The following GPC6 variants were observed in gnomAD, a reference collection of about 807,000 sequenced individuals.
The protein encoded by GPC6 is glypican-6.
Under a neutral mutation model 55.2 loss-of-function variants are expected in GPC6, and 14 were observed. The ratio of observed to expected loss-of-function variants is 0.25; its 90% CI spans 0.17 to 0.40. The LOEUF is 0.40. Ranked by LOEUF, GPC6 falls within the 10% of genes least tolerant of loss-of-function variation. GPC6 has a pLI of 1.00. For missense variants in GPC6, 641 were observed against 708.5 expected, an observed-to-expected ratio of 0.90 and a Z score of 1.08; for synonymous variants, 278 against 259.6, an observed-to-expected ratio of 1.07 and a Z score of -0.68.
chr13:93,290,575 A>G (rs1323115884), intron 1 of GPC6, among the ~76,000 whole-genome samples: 1 of 152,168 alleles, frequency 6.6e-6, no homozygotes, highest in East Asian at 1.9e-4. Context: ...TCAAAGCAAC[A>G]TAGATTAGAG....
At chr13:93,655,003 A>ATTTTTTT (rs3884231) in intron 2 of GPC6, among the ~76,000 whole-genome samples, 1 of 104,758 alleles carries the variant, frequency 9.5e-6, no homozygotes. Context: ...TGCCCGGCTA[A>ATTTTTTT]TTTTTTTTTT....
intron 4 of GPC6, among the ~76,000 whole-genome samples, chr13:94,060,787 A>T (rs17791647): frequency 6.6e-6 from 1 of 152,104 alleles, no homozygotes; most frequent in African/African-American, 2.4e-5. Flanking sequence ...AATAGAGTCA[A>T]GTGTCTTCCT....
intron 7 of GPC6, among the ~76,000 whole-genome samples, chr13:94,392,800 C>T (rs1880714697): frequency 7.4e-6 from 1 of 135,490 alleles, no homozygotes; most frequent in Admixed American, 7.5e-5. Flanking sequence ...CTCTCGACCT[C>T]AGGTGATCCA....
upstream of GPC6, among the ~76,000 whole-genome samples, chr13:93,223,130 G>C (rs1875665985): frequency 6.9e-6 from 1 of 145,804 alleles, no homozygotes; most frequent in Non-Finnish European, 1.5e-5. Context: ...TCATCCCTTG[G>C]TGGTGAGCAC....
Position 94,109,744 on chromosome 13 carries a change from C to G in GPC6, c.877+81850C>G, listed in dbSNP as rs1448036778. 2.0e-5 allele frequency among the ~76,000 whole-genome samples: 3 copies of G among 152,062 alleles called. No homozygotes were observed. The East Asian group carries it at 5.8e-4, about 29-fold the overall frequency. ...TAATAGAATGATTTTAAAGCCAAGT[C>G]AGCTTGGAGTATTTATACAGCTTGT... On this transcript the variant is annotated intron_variant, in intron 4 of 8. Transcript: ENST00000377047.
At chr13:94,165,274 A>C (rs1011425273) in intron 4 of GPC6, among the ~76,000 whole-genome samples, 3 of 142,834 alleles carry the variant, frequency 2.1e-5, no homozygotes, top group Admixed American at 2.1e-4. Flanking sequence ...ATATATATAC[A>C]CATATATATA....
chr13:94,072,598 C>A (rs559823572), intron 4 of GPC6, among the ~76,000 whole-genome samples: 34 of 152,296 alleles, frequency 2.2e-4, no homozygotes, highest in African/African-American at 8.2e-4. Flanking sequence ...GTGATCTGCC[C>A]GCCTCGGCCT....
intron 2 of GPC6, among the ~76,000 whole-genome samples, chr13:93,579,434 GAAGAAGGAGGAGAAA>G (rs953370614): frequency 1.3e-5 from 2 of 151,754 alleles, no homozygotes; most frequent in African/African-American, 4.8e-5. Flanking sequence ...AGGAAAAGAA[GAAGAAGGAGGAGAAA>G]AAGGAGGAGG....
At chr13:93,532,175 G>A (rs748114377) in intron 1 of GPC6, among the ~76,000 whole-genome samples, 2 of 152,128 alleles carry the variant, frequency 1.3e-5, no homozygotes, top group Admixed American at 6.6e-5. Flanking sequence ...ATGTTTTGTC[G>A]TCAGCTCTGT....
chr13:93,938,823 G>A (rs1878572999), intron 3 of GPC6, among the ~76,000 whole-genome samples: 1 of 152,140 alleles, frequency 6.6e-6, no homozygotes, highest in South Asian at 2.1e-4. Context: ...AAGGTGCAGG[G>A]CTGGGCACGG....
chr13:93,409,681 G>A (rs1272588201), intron 1 of GPC6, among the ~76,000 whole-genome samples: 1 of 152,170 alleles, frequency 6.6e-6, no homozygotes, highest in Non-Finnish European at 1.5e-5. Flanking sequence ...GAATAGCTAT[G>A]GCTAACATTT....
At chr13:94,335,898 GT>G (rs1330679262) in intron 6 of GPC6, among the ~76,000 whole-genome samples, 5 of 76,426 alleles carry the variant, frequency 6.5e-5, no homozygotes, top group Non-Finnish European at 1.2e-4. Flanking sequence ...CACTGTTGTT[GT>G]GATTTTTTTT....
At chr13:93,695,203 T>A (rs184391787) in intron 2 of GPC6, among the ~76,000 whole-genome samples, 1 of 152,104 alleles carries the variant, frequency 6.6e-6, no homozygotes, top group African/African-American at 2.4e-5. Flanking sequence ...CCTCCACTTT[T>A]TATTATAAAA....
At chr13:93,353,048 G>A (rs1000506273) in intron 1 of GPC6, among the ~76,000 whole-genome samples, 4 of 152,132 alleles carry the variant, frequency 2.6e-5, no homozygotes, top group African/African-American at 9.7e-5. Context: ...TTAACAAGTG[G>A]TGGGATATTG....
chr13:94,079,765 T>C (rs1885042412), intron 4 of GPC6, among the ~76,000 whole-genome samples: 1 of 152,194 alleles, frequency 6.6e-6, no homozygotes. Context: ...GCTCCTCACA[T>C]TGCTGTGCAA....
intron 3 of GPC6, among the ~76,000 whole-genome samples, chr13:93,965,689 C>T (rs1341780772): frequency 2.6e-5 from 4 of 152,146 alleles, no homozygotes; most frequent in East Asian, 3.9e-4. Flanking sequence ...ACTGCCAGTC[C>T]GTTATCTGCC....
intron 1 of GPC6, among the ~76,000 whole-genome samples, chr13:93,320,211 T>G (rs112666279): frequency 1.3e-5 from 2 of 152,278 alleles, no homozygotes; most frequent in African/African-American, 4.8e-5. Context: ...ATGCAAATAC[T>G]GCCTAATACC....
chr13:93,579,397 T>A (rs1224974182), intron 2 of GPC6, among the ~76,000 whole-genome samples: 2 of 151,158 alleles, frequency 1.3e-5, no homozygotes, highest in Non-Finnish European at 2.9e-5. Flanking sequence ...TAAAATAAAT[T>A]TTAAAAATAG....
chr13:94,296,394 A>G (rs1047757477), intron 5 of GPC6, among the ~76,000 whole-genome samples: 5 of 152,200 alleles, frequency 3.3e-5, no homozygotes, highest in African/African-American at 1.2e-4. Context: ...TTAACACTCA[A>G]TGTGTATTCT....
Sources: gnomAD v4.1 joint callset for allele counts (sites outside exome capture counted in the v4.1 genomes callset) on GRCh38, gnomAD v4.1.1 for gene constraint, MANE v1.5 for transcripts, NCBI Gene and HGNC (gene_info 2026-07-23, HGNC 2026-07-21) for gene names.